PCDHA11: variants seen among roughly 807,000 people sequenced by gnomAD.
The protein encoded by PCDHA11 is protocadherin alpha-11.
A neutral mutation model predicts 70.3 loss-of-function variants in PCDHA11; 61 were observed. That is an observed-to-expected ratio of 0.87 (90% CI 0.71 to 1.07). The LOEUF is 1.07. PCDHA11 is among the 50% of genes least tolerant of loss of function. PCDHA11 has a pLI of 0.00. For missense variants in PCDHA11, 1,324 were observed against 1,237.5 expected (o/e 1.07, Z -1.05); for synonymous variants, 633 against 555.1 (o/e 1.14, Z -1.97).
chr5:140,993,460 TCTCACACACA>T (rs1210103837), intron 3 of PCDHA11, among the ~76,000 whole-genome samples: 11 of 104,506 alleles, frequency 1.1e-4, no homozygotes, highest in Admixed American at 1.2e-4. Flanking sequence ...CTTCTTTCTT[TCTCACACACA>T]CACACACACA....
intron 1 of PCDHA11, among the ~76,000 whole-genome samples, chr5:140,965,764 A>G (rs2095932618): frequency 6.6e-6 from 1 of 152,258 alleles, no homozygotes; most frequent in Non-Finnish European, 1.5e-5. Flanking sequence ...AATGGGTCAA[A>G]TAATAGATTT....
At chr5:140,968,668 G>A (rs1365342675) in intron 1 of PCDHA11, 3 of 1,614,038 alleles carry the variant, frequency 1.9e-6, no homozygotes, top group African/African-American at 1.3e-5. Flanking sequence ...ACCTCTTTAA[G>A]GTAGAGCTGC....
intron 1 of PCDHA11, chr5:140,928,165 C>G: frequency 6.2e-7 from 1 of 1,614,200 alleles, no homozygotes; most frequent in Non-Finnish European, 8.5e-7. Context: ...CTCACCCCCA[C>G]TTAGCACCCG....
intron 1 of PCDHA11, chr5:140,927,567 C>A: frequency 6.2e-7 from 1 of 1,614,180 alleles, no homozygotes; most frequent in Non-Finnish European, 8.5e-7. Context: ...TTGTGGTGGA[C>A]ACAAATGACA....
Position 140,942,913 on chromosome 5 carries a change from GA to G in PCDHA11, c.2392-36026del, listed in dbSNP as rs58669311. Among the ~76,000 whole-genome samples the G allele has an allele frequency of 2.0e-3, 305 of 148,960 alleles. 3 individuals carry two copies. The highest frequency in any genetic ancestry group is 6.9e-3 in the African/African-American group (281 of 40,624). ...ATTTATCTCTAAGAATAAGCGTGAA[GA>G]AAAAAAAAATTGAAAAAGAGTTTAA... On this transcript the variant is annotated intron_variant, in intron 1 of 3. Coordinates refer to ENST00000398640, the MANE Select transcript of PCDHA11 (RefSeq NM_018902.5).
intron 1 of PCDHA11, among the ~76,000 whole-genome samples, chr5:140,918,416 C>A (rs2078685021): frequency 6.6e-6 from 1 of 152,110 alleles, no homozygotes; most frequent in Non-Finnish European, 1.5e-5. Flanking sequence ...GCCAGGACTT[C>A]CAGTAGGATG....
chr5:140,873,079 T>TC (rs544069393), intron 1 of PCDHA11, among the ~76,000 whole-genome samples: 14 of 151,958 alleles, frequency 9.2e-5, no homozygotes, highest in African/African-American at 2.4e-4. Context: ...TCTAGCTATT[T>TC]CCCCCCCGTA....
At chr5:140,883,526 G>A (rs1554178547) in intron 1 of PCDHA11, 2 of 1,614,226 alleles carry the variant, frequency 1.2e-6, no homozygotes, top group East Asian at 2.2e-5. Flanking sequence ...GAGCGTATCA[G>A]CCTATGAACT....
At chr5:140,931,189 C>A (rs2087353658) in intron 1 of PCDHA11, among the ~76,000 whole-genome samples, 1 of 152,112 alleles carries the variant, frequency 6.6e-6, no homozygotes, top group Non-Finnish European at 1.5e-5. Flanking sequence ...GAAATTGGTG[C>A]ACTACAATGC....
chr5:140,906,593 T>C (rs2072768257), intron 1 of PCDHA11, among the ~76,000 whole-genome samples: 1 of 152,242 alleles, frequency 6.6e-6, no homozygotes, highest in Admixed American at 6.5e-5. Flanking sequence ...TACCTTCCTC[T>C]ACTACTCATT....
chr5:140,965,814 T>C (rs1423732818), intron 1 of PCDHA11, among the ~76,000 whole-genome samples: 1 of 152,224 alleles, frequency 6.6e-6, no homozygotes, highest in Non-Finnish European at 1.5e-5. Flanking sequence ...AAACAGAGCA[T>C]TTTAAACATT....
At chr5:141,002,503 A>G (rs924059580) in intron 3 of PCDHA11, among the ~76,000 whole-genome samples, 1 of 152,226 alleles carries the variant, frequency 6.6e-6, no homozygotes, top group African/African-American at 2.4e-5. Flanking sequence ...ACAGCTCAGG[A>G]TCTGAGTCTC....
chr5:140,946,611 A>AATATATAGATATATATATATAT (rs2093974557), intron 1 of PCDHA11, among the ~76,000 whole-genome samples: 1 of 86,814 alleles, frequency 1.2e-5, no homozygotes, highest in Non-Finnish European at 2.1e-5. Context: ...GAAAATGTGA[A>AATATATAGATATATATATATAT]ATATATATAT....
intron 3 of PCDHA11, among the ~76,000 whole-genome samples, chr5:140,999,024 T>C (rs17119348): frequency 0.023 from 3,497 of 152,332 alleles, 138 homozygotes; most frequent in African/African-American, 0.08. Context: ...CCAAGACTTT[T>C]GATACTTCGT....
rs1554164779 is a variant in PCDHA11, at chr5:140,870,879, G to T, written c.1776G>T (p.Lys592Asn). ...TGGGTGCGGGCCACGTGGTGGCGAA[G>T]GTGCGCGCAGTGGATGCGGACTCAG... is the stretch of plus-strand genomic sequence containing the variant. ...RSVGAGHVVA[K>N]VRAVDADSGY... The change falls in exon 1 of 4, where the codon AAG becomes AAT. Residue 592 changes from lysine (K) to asparagine (N), a missense_variant. By Grantham distance (94) the Lys-to-Asn change is moderately conservative (BLOSUM62 0). Transcript: ENST00000398640. 2 of 1,613,952 alleles carry T rather than the reference G, an allele frequency of 1.2e-6. No homozygotes were observed. The highest frequency in any genetic ancestry group is 2.7e-5 in the African/African-American group (2 of 75,072).
At chr5:140,944,292 A>G (rs1330492011) in intron 1 of PCDHA11, among the ~76,000 whole-genome samples, 1 of 152,090 alleles carries the variant, frequency 6.6e-6, no homozygotes, top group Non-Finnish European at 1.5e-5. Context: ...GGCTCAAGCG[A>G]TCCTCCTACC....
At chr5:140,977,301 G>T (rs1478869150) in intron 1 of PCDHA11, among the ~76,000 whole-genome samples, 1 of 152,208 alleles carries the variant, frequency 6.6e-6, no homozygotes, top group Non-Finnish European at 1.5e-5. Context: ...CAGCTGACAA[G>T]CTAACGATAG....
At chr5:140,969,588 T>A in intron 1 of PCDHA11, 1 of 849,870 alleles carries the variant, frequency 1.2e-6, no homozygotes, top group Non-Finnish European at 1.8e-6. Context: ...GGATTAGTCT[T>A]AATATTTAAT....
intron 1 of PCDHA11, among the ~76,000 whole-genome samples, chr5:140,936,532 A>G (rs1431070462): frequency 6.6e-6 from 1 of 152,222 alleles, no homozygotes; most frequent in East Asian, 1.9e-4. Context: ...ATTGCTTTTG[A>G]ATATAGTGCA....
Sources: gnomAD v4.1 joint callset for allele counts (sites outside exome capture counted in the v4.1 genomes callset) on GRCh38, gnomAD v4.1.1 for gene constraint, MANE v1.5 for transcripts, NCBI Gene and HGNC (gene_info 2026-07-23, HGNC 2026-07-21) for gene names.